Variants in NFAT5 observed in about 807,000 individuals in gnomAD.
The protein encoded by NFAT5 is nuclear factor of activated T-cells 5.
A neutral mutation model predicts 166.5 loss-of-function variants in NFAT5; 31 were observed. The ratio of observed to expected loss-of-function variants is 0.19; its 90% CI spans 0.14 to 0.25. The LOEUF (loss-of-function observed/expected upper bound fraction) is 0.25. Ranked by LOEUF, NFAT5 falls within the 10% of genes least tolerant of loss-of-function variation. The probability of loss-of-function intolerance (pLI) is 1.00; values close to 1 mark genes in which losing one functional copy is unlikely to be tolerated. For missense variants in NFAT5, 1,449 were observed against 1,821.8 expected, an observed-to-expected ratio of 0.80 and a Z score of 3.72; for synonymous variants, 612 against 639.7, an observed-to-expected ratio of 0.96 and a Z score of 0.65.
At chr16:69,638,665 G>GGC (rs2151604600) in intron 3 of NFAT5, among the ~76,000 whole-genome samples, 1 of 151,336 alleles carries the variant, frequency 6.6e-6, no homozygotes, top group Non-Finnish European at 1.5e-5. Context: ...GAACCCAGGA[G>GGC]GCAGAGATTG....
chr16:69,691,111 C>T, intron 12 of NFAT5, 23 bp downstream of exon 12: 1 of 1,498,722 alleles, frequency 6.7e-7, no homozygotes, highest in South Asian at 1.4e-5. Context: ...GACTAGTGCA[C>T]AAACCTCCTA....
chr16:69,664,680 A>G (rs1203169231), intron 7 of NFAT5, among the ~76,000 whole-genome samples: 1 of 152,206 alleles, frequency 6.6e-6, no homozygotes, highest in Non-Finnish European at 1.5e-5. Flanking sequence ...TCTAATTTTT[A>G]AGCATTATTC....
intron 2 of NFAT5, among the ~76,000 whole-genome samples, chr16:69,616,128 T>C (rs2033932488): frequency 6.6e-6 from 1 of 152,098 alleles, no homozygotes; most frequent in Non-Finnish European, 1.5e-5. Flanking sequence ...TCTACGGAAA[T>C]GCCCTCTTTA....
At chr16:69,603,972 T>C (rs1438219315) in intron 2 of NFAT5, among the ~76,000 whole-genome samples, 2 of 152,226 alleles carry the variant, frequency 1.3e-5, no homozygotes, top group African/African-American at 4.8e-5. Context: ...TACTTAATTA[T>C]ATAATTAATT....
At position 69,695,209 on chromosome 16, in the gene NFAT5, A is replaced by G. The variant is rs754481015; in HGVS notation, c.4488A>G (p.Gln1496=). The change falls in exon 14 of 15, where the codon CAA becomes CAG. Residue 1496 remains glutamine (Q), a synonymous_variant. Coordinates refer to ENST00000349945, the MANE Select transcript of NFAT5 (RefSeq NM_138713.4). ...TGATGGCCATAAGTCAGCCAGGCCA[A>G]CCACAAAACGAGGGCCAGCCACCTG... ...DQLMAISQPG[Q]PQNEGQPPVT... is the part of the protein sequence containing the mutation. 2.4e-5 allele frequency: 38 copies of G among 1,614,106 alleles called. No individual in the cohort carries two copies. The highest frequency in any genetic ancestry group is 3.1e-5 in the Non-Finnish European group (36 of 1,180,052).
At chr16:69,611,782 A>T (rs1392834351) in intron 2 of NFAT5, among the ~76,000 whole-genome samples, 2 of 152,210 alleles carry the variant, frequency 1.3e-5, no homozygotes, top group Non-Finnish European at 2.9e-5. Flanking sequence ...ATTACATTGG[A>T]TGTTAGGTTC....
intron 4 of NFAT5, among the ~76,000 whole-genome samples, chr16:69,649,869 G>A (rs1363825449): frequency 1.3e-5 from 2 of 151,626 alleles, no homozygotes; most frequent in African/African-American, 2.4e-5. Context: ...GCAGTTTATT[G>A]ATCTTCAAGA....
chr16:69,611,806 G>T (rs916580024), intron 2 of NFAT5, among the ~76,000 whole-genome samples: 8 of 152,164 alleles, frequency 5.3e-5, no homozygotes, highest in African/African-American at 1.9e-4. Context: ...CATGAATTTT[G>T]GCAGGACACT....
Position 69,693,419 on chromosome 16 carries a change from T to C in NFAT5, c.3594T>C (p.Ala1198=). The change falls in exon 13 of 15, where the codon GCT becomes GCC. Residue 1198 remains alanine (A), a synonymous_variant. Coordinates refer to ENST00000349945, the MANE Select transcript of NFAT5 (RefSeq NM_138713.4). The stretch of plus-strand genomic sequence containing the variant: ...CAACATCAAACAGTGAACAACAAGC[T>C]GCTTTCCAACAGCAAGCTCCAATAT... ...LQSTSNSEQQ[A]AFQQQAPISH... 3 of 1,614,206 alleles carry C rather than the reference T, an allele frequency of 1.9e-6. No homozygotes were observed. The highest frequency in any genetic ancestry group is 2.5e-6 in the Non-Finnish European group (3 of 1,180,044).
chr16:69,640,987 A>G lies in NFAT5; in HGVS notation c.254-6041A>G, dbSNP rs74816630. ...CAGGAGCGAAACTCCATCTCAAAAG[A>G]AAAAAAAAAAGGCCGGGCACGGTGG... On this transcript the variant is annotated intron_variant, in intron 3 of 14. Coordinates refer to ENST00000349945, the MANE Select transcript of NFAT5 (RefSeq NM_138713.4). Among the ~76,000 whole-genome samples, 5 of 145,260 alleles carry G rather than the reference A, an allele frequency of 3.4e-5. No homozygotes were observed. The East Asian group carries it at 6.0e-4, about 17-fold the overall frequency.
At chr16:69,628,485 A>C (rs1023651434) in intron 3 of NFAT5, among the ~76,000 whole-genome samples, 1 of 152,188 alleles carries the variant, frequency 6.6e-6, no homozygotes, top group African/African-American at 2.4e-5. Context: ...TCAAAATATA[A>C]ATTTAGCAAC....
Position 69,566,436 on chromosome 16 carries a change from G to T in NFAT5, c.73+62G>T. ...GGAGACAGGGAGACAGGGAGACAGG[G>T]CCAGGGGAGGCGAGGGGTCCCCGTC... On this transcript the variant is annotated intron_variant, in intron 1 of 14. Transcript: ENST00000349945. This position sits in a 1 kb window ranked among gnomAD's most constrained non-coding sequence, Gnocchi z 5.7. 7.3e-7 allele frequency: 1 copy of T among 1,377,930 alleles called. No homozygotes were observed. The highest frequency in any genetic ancestry group is 1.2e-5 in the South Asian group (1 of 80,722). 85.4% of individuals were successfully genotyped at this position (1,377,930 alleles called of 1,614,324 possible).
intron 4 of NFAT5, chr16:69,648,449 T>A (rs2151624407): frequency 1.1e-6 from 1 of 896,580 alleles, no homozygotes; most frequent in Non-Finnish European, 1.3e-6. Flanking sequence ...ACAGAGTCGA[T>A]ATTTTTTTTA....
intron 2 of NFAT5, among the ~76,000 whole-genome samples, chr16:69,588,980 C>CTTTTTTTTTTTTTTTTTTTT (rs945918292): frequency 5.8e-5 from 2 of 34,368 alleles, no homozygotes; most frequent in Admixed American, 3.4e-4. Flanking sequence ...TTTCCTACTT[C>CTTTTTTTTTTTTTTTTTTTT]TTTTTTTTTT....
At chr16:69,583,543 G>C (rs544445526) in intron 2 of NFAT5, among the ~76,000 whole-genome samples, 2 of 152,250 alleles carry the variant, frequency 1.3e-5, no homozygotes, top group East Asian at 3.9e-4. Flanking sequence ...ACAAGATTAT[G>C]CATGTGTTAA....
rs1567512435 is a variant in NFAT5, at chr16:69,576,561, G to T, written c.127+8013G>T. ...TGAGTGTCTTTAACATTTAGAGGAA[G>T]TGATGGCTGATCAAAACACCTATGT... On this transcript the variant is annotated intron_variant, in intron 2 of 14. Coordinates refer to ENST00000349945, the MANE Select transcript of NFAT5 (RefSeq NM_138713.4). Among the ~76,000 whole-genome samples, 3 of 152,048 alleles carry T rather than the reference G, an allele frequency of 2.0e-5. No individual in the cohort carries two copies. In the East Asian group the frequency reaches 5.8e-4, roughly 29 times the overall value.
Position 69,573,895 on chromosome 16 carries a change from T to G in NFAT5, c.127+5347T>G, listed in dbSNP as rs1334026682. On this transcript the variant is annotated intron_variant, in intron 2 of 14. Coordinates refer to ENST00000349945, the MANE Select transcript of NFAT5 (RefSeq NM_138713.4). ...TTTTTTTTTTTTTTTTTTTTTGAGA[T>G]AGAGTTTCGCTCTTGTTGCCCAGGC... Among the ~76,000 whole-genome samples, 3 of 141,988 alleles carry G rather than the reference T, an allele frequency of 2.1e-5. No homozygotes were observed. The Admixed American group carries it at 2.2e-4, about 10-fold the overall frequency. 93.1% of individuals were successfully genotyped at this position (141,988 alleles called of 152,430 possible).
chr16:69,617,236 C>G (rs1002977152), intron 2 of NFAT5, among the ~76,000 whole-genome samples: 4 of 150,874 alleles, frequency 2.7e-5, no homozygotes, highest in African/African-American at 7.3e-5. Context: ...GCCACCGTGC[C>G]CAGCCTCAAA....
intron 3 of NFAT5, among the ~76,000 whole-genome samples, chr16:69,635,481 G>A (rs1406613355): frequency 6.6e-6 from 1 of 151,882 alleles, no homozygotes; most frequent in Non-Finnish European, 1.5e-5. Flanking sequence ...TTCTGACTTT[G>A]TTATTCTGTC....
Sources: gnomAD v4.1 joint callset for allele counts (sites outside exome capture counted in the v4.1 genomes callset) on GRCh38, gnomAD v4.1.1 for gene constraint, Gnocchi (gnomAD v3.1) non-coding constraint, MANE v1.5 for transcripts, NCBI Gene and HGNC (gene_info 2026-07-23, HGNC 2026-07-21) for gene names.